The following KCNT2 variants were observed in gnomAD, a reference collection of about 807,000 sequenced individuals.
KCNT2 encodes the protein potassium channel subfamily T member 2.
Under a neutral mutation model 153.8 loss-of-function variants are expected in KCNT2, and 67 were observed. That is an observed-to-expected ratio of 0.44 (90% CI 0.36 to 0.53). The LOEUF (loss-of-function observed/expected upper bound fraction) is 0.53. Among genes scored for constraint, KCNT2 ranks in the 20% least tolerant of loss-of-function variants. The pLI is 0.00. For synonymous variants in KCNT2, 500 were observed against 458.8 expected (o/e 1.09, Z -1.15); for missense variants, 975 against 1,354.8 (o/e 0.72, Z 4.40).
rs942609671 is a variant in KCNT2 at position 196,320,056 on chromosome 1, T to A, written c.2277-501A>T. 2.6e-5 allele frequency among the ~76,000 whole-genome samples: 4 copies of A among 151,792 alleles called. No homozygotes were observed. In the Admixed American group the frequency reaches 2.6e-4, roughly 10 times the overall value. Reference sequence around the variant, plus strand: ...CTATATAATATGTCAGTATGTCAAATAAATATAGTATATATGCTCATGCAA... The same window carrying A: ...CTATATAATATGTCAGTATGTCAAAAAAATATAGTATATATGCTCATGCAA... On this transcript the variant is annotated intron_variant, in intron 19 of 27. Transcript: ENST00000294725.
At position 196,230,611 on chromosome 1, in the gene KCNT2, C is replaced by T. The variant is rs145136483; in HGVS notation, c.3297-2276G>A. 3.2e-3 allele frequency among the ~76,000 whole-genome samples: 494 copies of T among 152,028 alleles called. 1 individual carries two copies. Among genetic ancestry groups the T allele is most frequent in the Non-Finnish European group, 5.5e-3 (375 of 67,884 alleles). On this transcript the variant is annotated intron_variant, in intron 27 of 27. Transcript: ENST00000294725. ...GGAAGAAGTTGACTCCAACCCTTAT[C>T]GATGACTTTGAGGGGATCAAGACTT...
intron 14 of KCNT2, among the ~76,000 whole-genome samples, chr1:196,353,049 G>T (rs1390983931): frequency 6.6e-6 from 1 of 152,040 alleles, no homozygotes; most frequent in Non-Finnish European, 1.5e-5. Flanking sequence ...TAGTTTGATT[G>T]CACTGTGGTC....
intron 21 of KCNT2, among the ~76,000 whole-genome samples, chr1:196,309,039 A>G (rs547252926): frequency 1.3e-5 from 2 of 152,080 alleles, no homozygotes; most frequent in East Asian, 3.9e-4. Flanking sequence ...AAATTCACCA[A>G]TTATAAGGAT....
At chr1:196,390,926 A>G (rs1670435649) in intron 13 of KCNT2, among the ~76,000 whole-genome samples, 1 of 138,280 alleles carries the variant, frequency 7.2e-6, no homozygotes. Context: ...AACATATGTT[A>G]GGAGACTCTT....
chr1:196,250,165 T>A (rs1045416589), intron 26 of KCNT2, among the ~76,000 whole-genome samples: 4 of 151,734 alleles, frequency 2.6e-5, no homozygotes, highest in African/African-American at 9.7e-5. Context: ...AGAACAAAAC[T>A]GGCAGAATCA....
chr1:196,341,803 T>G (rs1665662840), intron 15 of KCNT2, among the ~76,000 whole-genome samples: 1 of 152,056 alleles, frequency 6.6e-6, no homozygotes, highest in Non-Finnish European at 1.5e-5. Flanking sequence ...AAGATTTTCA[T>G]ATGTATGTAA....
chr1:196,339,207 A>C (rs377247447), intron 16 of KCNT2, among the ~76,000 whole-genome samples: 1 of 152,092 alleles, frequency 6.6e-6, no homozygotes, highest in Non-Finnish European at 1.5e-5. Flanking sequence ...GAATGTGCAC[A>C]AAGCAGAAAA....
intron 1 of KCNT2, among the ~76,000 whole-genome samples, chr1:196,493,337 G>C (rs563988330): frequency 2.1e-5 from 3 of 144,858 alleles, no homozygotes; most frequent in African/African-American, 7.7e-5. Flanking sequence ...CTTTTTTTTG[G>C]GGGGGAGATT....
At chr1:196,467,252 T>C (rs1677699812) in intron 7 of KCNT2, among the ~76,000 whole-genome samples, 1 of 152,120 alleles carries the variant, frequency 6.6e-6, no homozygotes, top group African/African-American at 2.4e-5. Flanking sequence ...ATAAGGTTTT[T>C]AGTGACATTG....
intron 13 of KCNT2, among the ~76,000 whole-genome samples, chr1:196,393,642 C>A (rs1670671881): frequency 6.6e-6 from 1 of 150,998 alleles, no homozygotes; most frequent in African/African-American, 2.4e-5. Context: ...AAATGCACAA[C>A]AGAGAAGAAA....
At chr1:196,477,697 A>G (rs1431694225) in intron 5 of KCNT2, among the ~76,000 whole-genome samples, 2 of 152,212 alleles carry the variant, frequency 1.3e-5, no homozygotes, top group African/African-American at 4.8e-5. Context: ...ATTAACAAAA[A>G]TTAGTAATGA....
intron 22 of KCNT2, among the ~76,000 whole-genome samples, chr1:196,296,800 A>G (rs2147942643): frequency 6.6e-6 from 1 of 152,210 alleles, no homozygotes; most frequent in East Asian, 1.9e-4. Context: ...CTCTGCCTTG[A>G]AATGGAAGGC....
At chr1:196,301,361 T>G (rs1051947818) in intron 22 of KCNT2, among the ~76,000 whole-genome samples, 4 of 152,090 alleles carry the variant, frequency 2.6e-5, no homozygotes, top group African/African-American at 9.7e-5. Flanking sequence ...ACTAATAAAT[T>G]TGCATGCCAT....
chr1:196,440,061 T>C (rs937526355), intron 8 of KCNT2, among the ~76,000 whole-genome samples: 6 of 151,944 alleles, frequency 3.9e-5, no homozygotes, highest in Non-Finnish European at 7.4e-5. Flanking sequence ...TAAAATAAAC[T>C]AAAGACATTC....
At chr1:196,292,811 C>CAA (rs750026564) in intron 22 of KCNT2, among the ~76,000 whole-genome samples, 83 of 69,108 alleles carry the variant, frequency 1.2e-3, no homozygotes, top group Non-Finnish European at 1.5e-3. Context: ...GACTCTGTCT[C>CAA]AAAAAAAAAA....
At chr1:196,586,206 T>C (rs776350511) in intron 1 of KCNT2, among the ~76,000 whole-genome samples, 1 of 151,954 alleles carries the variant, frequency 6.6e-6, no homozygotes, top group Non-Finnish European at 1.5e-5. Flanking sequence ...ACAGATTGCA[T>C]TGAGCTGAGA....
chr1:196,412,143 C>G (rs1030220555), intron 12 of KCNT2, among the ~76,000 whole-genome samples: 2 of 151,698 alleles, frequency 1.3e-5, no homozygotes, highest in Non-Finnish European at 3.0e-5. Context: ...ATTAGTGATT[C>G]AATTTACAAT....
rs549846275 is a variant in KCNT2, at chr1:196,469,871, T to C, written c.385-803A>G. On this transcript the variant is annotated intron_variant, in intron 5 of 27. Coordinates refer to ENST00000294725, the MANE Select transcript of KCNT2 (RefSeq NM_198503.5). ...GTTTATTCTTCTATGAAGAGATCTATGTATTAGAAAGGCAATTTGAAATCT... is the reference window on the plus strand; with the variant it reads ...GTTTATTCTTCTATGAAGAGATCTACGTATTAGAAAGGCAATTTGAAATCT... Among the ~76,000 whole-genome samples the C allele has an allele frequency of 4.3e-4, 65 of 152,324 alleles. No individual in the cohort carries two copies. In the Middle Eastern group the frequency reaches 0.01, roughly 24 times the overall value.
intron 5 of KCNT2, among the ~76,000 whole-genome samples, chr1:196,475,263 C>T (rs1204294960): frequency 6.6e-6 from 1 of 152,090 alleles, no homozygotes; most frequent in African/African-American, 2.4e-5. Flanking sequence ...GCAGTGGAAA[C>T]AATTGCTGGT....
Sources: gnomAD v4.1 joint callset for allele counts (sites outside exome capture counted in the v4.1 genomes callset) on GRCh38, gnomAD v4.1.1 for gene constraint, MANE v1.5 for transcripts, NCBI Gene and HGNC (gene_info 2026-07-23, HGNC 2026-07-21) for gene names.